The following DLGAP2 variants were observed in gnomAD, a reference collection of about 807,000 sequenced individuals.
DLGAP2 encodes the protein disks large-associated protein 2.
Under a neutral mutation model 100.3 loss-of-function variants are expected in DLGAP2, and 26 were observed. That is an observed-to-expected ratio of 0.26 (90% CI 0.19 to 0.36). The LOEUF is 0.36. Among genes scored for constraint, DLGAP2 ranks in the 10% least tolerant of loss-of-function variants. The pLI, the probability that DLGAP2 is intolerant of heterozygous loss-of-function variation, is 1.00. For missense variants in DLGAP2, 1,858 were observed against 1,453.2 expected (o/e 1.28, Z -4.53); for synonymous variants, 886 against 630.1 (o/e 1.41, Z -6.08).
intron 1 of DLGAP2, among the ~76,000 whole-genome samples, chr8:764,060 T>A (rs1821150913): frequency 6.6e-6 from 1 of 152,212 alleles, no homozygotes; most frequent in African/African-American, 2.4e-5. Context: ...CTTCCTAACC[T>A]GTAACCACAT....
intron 2 of DLGAP2, among the ~76,000 whole-genome samples, chr8:1,185,697 ACACACT>A (rs1238961797): frequency 1.7e-4 from 22 of 131,750 alleles, no homozygotes; most frequent in South Asian, 4.9e-4. Context: ...CTGTAAACAC[ACACACT>A]CACACTCACA....
Position 1,645,935 on chromosome 8 carries a change from G to T in DLGAP2, c.1810+12889G>T, listed in dbSNP as rs539736537. Reference sequence around the variant, plus strand: ...GTCATATTCCAGCCTTGTCTTTCCCGTTCAGTTTGCGAATGGTTAGGTGAT... The same window carrying T: ...GTCATATTCCAGCCTTGTCTTTCCCTTTCAGTTTGCGAATGGTTAGGTGAT... On this transcript the variant is annotated intron_variant, in intron 8 of 14. Coordinates refer to ENST00000637795, the MANE Select transcript of DLGAP2 (RefSeq NM_001346810.2). Among the ~76,000 whole-genome samples, 11 of 152,278 alleles carry T rather than the reference G, an allele frequency of 7.2e-5. No homozygotes were observed. In the South Asian group the frequency reaches 1.0e-3, roughly 14 times the overall value.
chr8:1,207,592 A>G (rs1798022824), intron 2 of DLGAP2, among the ~76,000 whole-genome samples: 1 of 152,118 alleles, frequency 6.6e-6, no homozygotes, highest in South Asian at 2.1e-4. Flanking sequence ...CACGAGTGGG[A>G]TTGCTGGGTC....
chr8:789,905 G>T (rs1821982262), intron 1 of DLGAP2, among the ~76,000 whole-genome samples: 1 of 152,220 alleles, frequency 6.6e-6, no homozygotes, highest in Non-Finnish European at 1.5e-5. Context: ...CAGGAAGTCA[G>T]AATCTTAGCT....
rs191624680 is a variant in DLGAP2 at position 987,627 on chromosome 8, T to C, written c.73+79661T>C. Among the ~76,000 whole-genome samples, 3 of 152,304 alleles carry C rather than the reference T, an allele frequency of 2.0e-5. No individual in the cohort carries two copies. The East Asian group carries it at 5.8e-4, about 29-fold the overall frequency. ...TGCTTATTTGTCAAGATCTTTAGCTTCCTGGTCTTACTGCAGCTCGTGGGA... is the reference window on the plus strand; with the variant it reads ...TGCTTATTTGTCAAGATCTTTAGCTCCCTGGTCTTACTGCAGCTCGTGGGA... On this transcript the variant is annotated intron_variant, in intron 2 of 14. Transcript: ENST00000637795.
chr8:1,211,371 C>G (rs7838008), intron 2 of DLGAP2, among the ~76,000 whole-genome samples: 9,386 of 152,236 alleles, frequency 0.062, 492 homozygotes, highest in African/African-American at 0.14. Flanking sequence ...GTTTTTCCAT[C>G]AGATAGATGC....
intron 2 of DLGAP2, among the ~76,000 whole-genome samples, chr8:1,029,666 T>C (rs1801920020): frequency 6.6e-6 from 1 of 151,554 alleles, no homozygotes; most frequent in Admixed American, 6.6e-5. Flanking sequence ...GTTTTAATAC[T>C]GAGAAGAGTA....
At chr8:949,116 C>G (rs1457542290) in intron 2 of DLGAP2, among the ~76,000 whole-genome samples, 2 of 152,288 alleles carry the variant, frequency 1.3e-5, no homozygotes, top group East Asian at 3.9e-4. Flanking sequence ...GGTCGTGGCT[C>G]TGGAGAGGTT....
intron 2 of DLGAP2, among the ~76,000 whole-genome samples, chr8:1,092,857 T>C (rs986041198): frequency 6.6e-6 from 1 of 152,094 alleles, no homozygotes; most frequent in African/African-American, 2.4e-5. Flanking sequence ...GACCGGGGCC[T>C]CATAACTGGG....
intron 10 of DLGAP2, among the ~76,000 whole-genome samples, chr8:1,675,060 C>T (rs1798779215): frequency 6.6e-6 from 1 of 152,204 alleles, no homozygotes; most frequent in South Asian, 2.1e-4. Context: ...CCTCCTGTAG[C>T]CCGTCTCACC....
intron 4 of DLGAP2, among the ~76,000 whole-genome samples, chr8:1,541,369 A>G (rs1459322269): frequency 6.6e-6 from 1 of 152,194 alleles, no homozygotes; most frequent in Non-Finnish European, 1.5e-5. Context: ...ATAAAAACTA[A>G]TGTAAGACAA....
chr8:1,173,539 G>A (rs1022039075), intron 2 of DLGAP2, among the ~76,000 whole-genome samples: 2 of 152,216 alleles, frequency 1.3e-5, no homozygotes, highest in Non-Finnish European at 2.9e-5. Context: ...GCTCCACCCA[G>A]TTGGAGCTTC....
chr8:1,240,760 C>CGTGTCTGGTTCTCTCGCATGGCGCT (rs1798774950), intron 2 of DLGAP2, among the ~76,000 whole-genome samples: 9 of 77,108 alleles, frequency 1.2e-4, no homozygotes, highest in African/African-American at 4.1e-4. Flanking sequence ...CGCATGGCGC[C>CGTGTCTGGTTCTCTCGCATGGCGCT]GTGTCTAGTT....
intron 2 of DLGAP2, among the ~76,000 whole-genome samples, chr8:931,515 G>A (rs1798956209): frequency 6.6e-6 from 1 of 152,120 alleles, no homozygotes; most frequent in South Asian, 2.1e-4. Context: ...CAGGTATCTC[G>A]GCCGTTATTT....
At chr8:1,498,903 C>G (rs1017575671) in intron 3 of DLGAP2, among the ~76,000 whole-genome samples, 10 of 152,200 alleles carry the variant, frequency 6.6e-5, no homozygotes, top group Admixed American at 5.9e-4. Flanking sequence ...GCTCTCCCAG[C>G]TAGAAGGCCA....
chr8:1,575,730 G>C (rs868701935), intron 6 of DLGAP2, among the ~76,000 whole-genome samples: 10 of 148,542 alleles, frequency 6.7e-5, no homozygotes, highest in African/African-American at 2.5e-4. Flanking sequence ...TTGGTTTTTT[G>C]TTCTTGTGAT....
At position 1,703,986 on chromosome 8, in the gene DLGAP2, C is replaced by T. The variant is rs1316520904; in HGVS notation, c.*2580C>T. On this transcript the variant is annotated 3_prime_UTR_variant, in exon 15 of 15. Coordinates refer to ENST00000637795, the MANE Select transcript of DLGAP2 (RefSeq NM_001346810.2). ...TAGACCTGATGGAATGTTACCTGTC[C>T]GTGTTACATAATCAAGTGCAATATA... The T allele has an allele frequency of 3.3e-5, 5 of 152,506 alleles. No individual in the cohort carries two copies. Among genetic ancestry groups the T allele is most frequent in the African/African-American group, 9.7e-5 (4 of 41,406 alleles). 9.4% of individuals were successfully genotyped at this position (152,506 alleles called of 1,614,324 possible).
intron 6 of DLGAP2, among the ~76,000 whole-genome samples, chr8:1,593,588 C>T (rs920157249): frequency 6.6e-6 from 1 of 152,152 alleles, no homozygotes; most frequent in South Asian, 2.1e-4. Flanking sequence ...GAATTCCTAC[C>T]CTGGCACAGC....
At chr8:1,417,245 G>GAGGA (rs1237638056) in intron 3 of DLGAP2, among the ~76,000 whole-genome samples, 2 of 124,262 alleles carry the variant, frequency 1.6e-5, no homozygotes, top group African/African-American at 6.5e-5. Flanking sequence ...TCTGAGGTGG[G>GAGGA]GAGACCGGCA....
Sources: allele counts gnomAD v4.1 joint callset (sites outside exome capture counted in the v4.1 genomes callset), GRCh38; gene constraint gnomAD v4.1.1; transcripts MANE v1.5; gene names NCBI Gene and HGNC (gene_info 2026-07-23, HGNC 2026-07-21).